The following ADGRD1 variants were observed in gnomAD, a reference collection of about 807,000 sequenced individuals.
ADGRD1 encodes G-protein coupled receptor 133.
ADGRD1 carries 77 observed loss-of-function variants against 113.4 expected under a neutral mutation model. The observed-to-expected ratio is 0.68, with a 90% CI of 0.57 to 0.82. The LOEUF (loss-of-function observed/expected upper bound fraction) is 0.82, where lower values mean the gene tolerates loss of function less well. Among genes scored for constraint, ADGRD1 ranks in the 40% least tolerant of loss-of-function variants. ADGRD1 has a pLI of 0.00. For synonymous variants in ADGRD1, 474 were observed against 475.0 expected (o/e 1.00, Z 0.03); for missense variants, 1,036 against 1,139.1 (o/e 0.91, Z 1.30).
chr12:131,122,354 C>T (rs1371002415), intron 20 of ADGRD1, among the ~76,000 whole-genome samples: 1 of 152,144 alleles, frequency 6.6e-6, no homozygotes, highest in Non-Finnish European at 1.5e-5. Context: ...CTGTCAGCTG[C>T]AGAGGGGACG....
chr12:130,958,908 G>A (rs11608374), intron 2 of ADGRD1, among the ~76,000 whole-genome samples: 4,420 of 152,334 alleles, frequency 0.029, 76 homozygotes, highest in Non-Finnish European at 0.04. Context: ...CTCGCACCGC[G>A]GGTGGAGAAG....
rs537581754 is a variant in ADGRD1, at chr12:131,106,116, G to A, written c.1887+251G>A. ...ACACTGCCTAGCACCAGCTACGCGC[G>A]AGGCACCATGACAAGGGCTTGCATC... On this transcript the variant is annotated intron_variant, in intron 17 of 24. Coordinates refer to ENST00000261654, the MANE Select transcript of ADGRD1 (RefSeq NM_198827.5). Among the ~76,000 whole-genome samples the A allele has an allele frequency of 3.4e-4, 52 of 152,254 alleles. 1 individual carries two copies. In the South Asian group the frequency reaches 9.3e-3, roughly 27 times the overall value.
At chr12:131,026,287 C>T (rs1461488685) in intron 13 of ADGRD1, 1 of 152,148 alleles carries the variant, frequency 6.6e-6, no homozygotes, top group East Asian at 1.9e-4. Context: ...TTACTCCTGC[C>T]CTTCTGAGCT....
At chr12:131,000,587 A>G (rs539776812) in intron 9 of ADGRD1, 145 bp downstream of exon 9, 1 of 563,302 alleles carries the variant, frequency 1.8e-6, no homozygotes, top group Non-Finnish European at 3.3e-6. Context: ...CTAAAAATAC[A>G]AAAATTAGCC....
chr12:131,131,835 G>C lies in ADGRD1; in HGVS notation c.2267+19G>C, dbSNP rs141140013. 8.9e-5 allele frequency: 132 copies of C among 1,480,628 alleles called. No individual in the cohort carries two copies. The East Asian group carries it at 2.9e-3, about 32-fold the overall frequency. 91.7% of individuals were successfully genotyped at this position (1,480,628 alleles called of 1,614,324 possible). ...CCTTCAAGTAAGTTGACCTCAGGCT[G>C]CCAGCAGTGCCACGGCCCTTCTGCC... On this transcript the variant is annotated intron_variant, in intron 21 of 24. Transcript: ENST00000261654.
intron 12 of ADGRD1, among the ~76,000 whole-genome samples, chr12:131,013,219 C>T (rs1173024577): frequency 2.6e-5 from 4 of 152,098 alleles, no homozygotes; most frequent in Admixed American, 1.3e-4. Flanking sequence ...CTGCAAGGGG[C>T]GGAAAACCCA....
chr12:131,128,601 G>C (rs1370703804), intron 20 of ADGRD1, among the ~76,000 whole-genome samples: 1 of 152,200 alleles, frequency 6.6e-6, no homozygotes, highest in Non-Finnish European at 1.5e-5. Context: ...ATGCATAAAT[G>C]TGTCTGCCTA....
intron 4 of ADGRD1, chr12:130,976,937 G>GA (rs1872390652): frequency 6.6e-6 from 1 of 152,182 alleles, no homozygotes; most frequent in Non-Finnish European, 1.5e-5. Context: ...GAGGTGGGAG[G>GA]ATCACTTGGG....
At chr12:130,997,864 G>A (rs1875801916) in intron 8 of ADGRD1, among the ~76,000 whole-genome samples, 1 of 152,212 alleles carries the variant, frequency 6.6e-6, no homozygotes, top group African/African-American at 2.4e-5. Context: ...GCTGGGAGGT[G>A]GAGGTTGTAG....
chr12:131,071,458 G>C (rs1472811137), intron 13 of ADGRD1, among the ~76,000 whole-genome samples: 1 of 152,174 alleles, frequency 6.6e-6, no homozygotes, highest in African/African-American at 2.4e-5. Flanking sequence ...GGTGTCATGT[G>C]AGTGGGAAGG....
rs371992286 is a variant in ADGRD1, at chr12:131,036,620, G to A, written c.1473+22280G>A. The stretch of plus-strand genomic sequence containing the variant: ...CTCACTGCACCGGGCCTCACTCACC[G>A]CACCAGGCCTCACTCACTGCACGGG... On this transcript the variant is annotated intron_variant, in intron 13 of 24. Transcript: ENST00000261654. Among the ~76,000 whole-genome samples, 81 of 147,330 alleles carry A rather than the reference G, an allele frequency of 5.5e-4. No homozygotes were observed. In the Middle Eastern group the frequency reaches 0.011, roughly 21 times the overall value.
chr12:131,106,264 T>C (rs1950234222), intron 17 of ADGRD1, among the ~76,000 whole-genome samples: 1 of 152,184 alleles, frequency 6.6e-6, no homozygotes, highest in South Asian at 2.1e-4. Flanking sequence ...CCAAGACTCT[T>C]ATTGGCTGCA....
In ADGRD1 at chr12:130,984,384, C is replaced by A. The variant is rs576398317; in HGVS notation, c.490+2321C>A. 6.6e-6 allele frequency among the ~76,000 whole-genome samples: 1 copy of A among 152,182 alleles called. No individual in the cohort carries two copies. Among genetic ancestry groups the A allele is most frequent in the Non-Finnish European group, 1.5e-5 (1 of 68,034 alleles). On this transcript the variant is annotated intron_variant, in intron 5 of 24. Transcript: ENST00000261654. This position sits in a 1 kb window ranked among gnomAD's most constrained non-coding sequence, Gnocchi z 4.1. ...AGAAGCCACGTCCTCAGGGAAAGCT[C>A]GTTACTGTGCTTACCCGCTCCCTGG...
intron 8 of ADGRD1, among the ~76,000 whole-genome samples, chr12:130,998,963 C>T (rs1222923668): frequency 1.3e-5 from 2 of 152,208 alleles, no homozygotes; most frequent in South Asian, 2.1e-4. Context: ...AGGGAAATAT[C>T]TAATTAGTAA....
chr12:131,002,842 G>A, intron 9 of ADGRD1: 1 of 1,248,990 alleles, frequency 8.0e-7, no homozygotes, highest in Non-Finnish European at 1.0e-6. Context: ...AGGGAGGTAG[G>A]GGGAGGGTCT....
chr12:131,090,082 C>T (rs532620522), intron 15 of ADGRD1, among the ~76,000 whole-genome samples: 8 of 152,246 alleles, frequency 5.3e-5, no homozygotes, highest in South Asian at 4.2e-4. Flanking sequence ...GGGACAGAGA[C>T]GACTTACGGT....
At chr12:131,074,955 T>TC (rs768165479) in intron 13 of ADGRD1, among the ~76,000 whole-genome samples, 109 of 152,242 alleles carry the variant, frequency 7.2e-4, no homozygotes, top group East Asian at 5.6e-3. Context: ...TGTCAGGACT[T>TC]CCAGAGGCCA....
chr12:131,117,996 A>T (rs1010101117), intron 18 of ADGRD1, among the ~76,000 whole-genome samples: 12 of 152,186 alleles, frequency 7.9e-5, no homozygotes, highest in African/African-American at 2.9e-4. Flanking sequence ...AGATGACTTA[A>T]GCCATTGCCA....
intron 15 of ADGRD1, among the ~76,000 whole-genome samples, chr12:131,088,189 G>A (rs1481258412): frequency 6.6e-6 from 1 of 150,882 alleles, no homozygotes; most frequent in African/African-American, 2.5e-5. Flanking sequence ...CTTACCAGCA[G>A]AGAAACTGAG....
Sources: allele counts gnomAD v4.1 joint callset (sites outside exome capture counted in the v4.1 genomes callset), GRCh38; gene constraint gnomAD v4.1.1; non-coding constraint Gnocchi (gnomAD v3.1); transcripts MANE v1.5; gene names NCBI Gene and HGNC (gene_info 2026-07-23, HGNC 2026-07-21).